Variants in RC3H1 observed in about 807,000 individuals in gnomAD.
RC3H1 encodes the protein roquin-1.
A neutral mutation model predicts 138.2 loss-of-function variants in RC3H1; 50 were observed. The observed-to-expected ratio is 0.36, with a 90% CI of 0.29 to 0.46. The LOEUF is 0.46. Among genes scored for constraint, RC3H1 ranks in the 20% least tolerant of loss-of-function variants. RC3H1 has a pLI of 1.00. For synonymous variants in RC3H1, 462 were observed against 489.1 expected (o/e 0.94, Z 0.73); for missense variants, 1,031 against 1,388.1 (o/e 0.74, Z 4.09).
At chr1:173,952,172 A>G in intron 13 of RC3H1, 34 bp from the exon 14 acceptor site, 1 of 1,492,032 alleles carries the variant, frequency 6.7e-7, no homozygotes, top group Non-Finnish European at 8.9e-7. Flanking sequence ...ACAAAAAAAA[A>G]AAAAAGAGAA....
chr1:173,961,745 T>C lies in RC3H1; in HGVS notation c.2182A>G (p.Ile728Val), dbSNP rs906467760. Residue 728 changes from isoleucine (I) to valine (V), a missense_variant, in exon 12 of 20, where the codon ATC (isoleucine) becomes GTC (valine). By Grantham distance (29) the Ile-to-Val change is conservative (BLOSUM62 3). This residue lies in a region of RC3H1 where 716 missense variants were observed against 837.9 expected (regional missense o/e 0.85). Transcript: ENST00000367696. ...CATACTCTGAGGTACGAAGGTCTGATCTGAGTTGGATGAGGAGCCACTGGA... is the reference window on the plus strand; with the variant it reads ...CATACTCTGAGGTACGAAGGTCTGACCTGAGTTGGATGAGGAGCCACTGGA... ...YYPVAPHPTQ[I>V]RPSYLREPPY... is the part of the protein sequence containing the mutation. The C allele has an allele frequency of 6.2e-7, 1 of 1,612,332 alleles. No individual in the cohort carries two copies. Among genetic ancestry groups the C allele is most frequent in the Non-Finnish European group, 8.5e-7 (1 of 1,179,844 alleles).
chr1:173,941,496 A>T, intron 18 of RC3H1, 116 bp from the exon 19 acceptor site: 1 of 651,228 alleles, frequency 1.5e-6, no homozygotes, highest in Non-Finnish European at 2.7e-6. Flanking sequence ...ATTTTGTAAA[A>T]TAACCAAAGA....
intron 1 of RC3H1, among the ~76,000 whole-genome samples, chr1:174,017,445 C>T (rs1219947493): frequency 6.6e-6 from 1 of 152,074 alleles, no homozygotes. Context: ...GTTTTTTATT[C>T]CTAACAATCA....
chr1:173,949,444 C>A (rs1557922351), intron 14 of RC3H1, among the ~76,000 whole-genome samples: 2 of 151,760 alleles, frequency 1.3e-5, no homozygotes, highest in African/African-American at 2.4e-5. Context: ...TCTCGGTTCA[C>A]TGCAACCTCT....
chr1:174,017,588 T>C (rs1250315341), intron 1 of RC3H1, among the ~76,000 whole-genome samples: 1 of 152,128 alleles, frequency 6.6e-6, no homozygotes, highest in Non-Finnish European at 1.5e-5. Context: ...AACTGCTTAA[T>C]GGGTACAGTG....
At chr1:174,011,755 T>C (rs1300604818) in intron 1 of RC3H1, among the ~76,000 whole-genome samples, 2 of 152,176 alleles carry the variant, frequency 1.3e-5, no homozygotes, top group Non-Finnish European at 2.9e-5. Flanking sequence ...TGCAAGTTCA[T>C]ATAGTAACCA....
chr1:173,957,977 G>C (rs769896570), intron 13 of RC3H1, among the ~76,000 whole-genome samples: 2 of 152,108 alleles, frequency 1.3e-5, no homozygotes, highest in African/African-American at 2.4e-5. Context: ...TAGATATTGT[G>C]AACAACTTCT....
At chr1:173,939,393 C>A (rs1348307642) in intron 19 of RC3H1, among the ~76,000 whole-genome samples, 2 of 151,580 alleles carry the variant, frequency 1.3e-5, no homozygotes, top group East Asian at 3.9e-4. Flanking sequence ...CAAAAATTAG[C>A]CTGGTGGTGT....
At chr1:173,951,349 T>G (rs570940129) in intron 14 of RC3H1, among the ~76,000 whole-genome samples, 13 of 151,880 alleles carry the variant, frequency 8.6e-5, no homozygotes, top group African/African-American at 3.1e-4. Context: ...GAGATAAGAT[T>G]TTGATAATAT....
intron 1 of RC3H1, among the ~76,000 whole-genome samples, chr1:173,999,395 G>A (rs80205789): frequency 0.38 from 55,709 of 147,690 alleles, 14,932 homozygotes; most frequent in African/African-American, 0.76. Flanking sequence ...AAAAAAAAGA[G>A]AGAGAGAGAA....
At chr1:173,975,308 A>C (rs1296788349) in intron 7 of RC3H1, among the ~76,000 whole-genome samples, 1 of 151,924 alleles carries the variant, frequency 6.6e-6, no homozygotes, top group Non-Finnish European at 1.5e-5. Flanking sequence ...GTTGGCCAGG[A>C]TGGTCTTGAT....
rs937484496 is a variant in RC3H1 at position 173,961,252 on chromosome 1, T to C, written c.2203-8A>G. On this transcript the variant is annotated splice_region_variant and splice_polypyrimidine_tract_variant and intron_variant, in intron 12 of 19. Coordinates refer to ENST00000367696, the MANE Select transcript of RC3H1 (RefSeq NM_172071.4). ...CCGGCTATAAGGAGGTTCCTAAAAA[T>C]AGAAAGATTAGTTAAAATTGAAAGA... The C allele has an allele frequency of 2.5e-6, 4 of 1,600,586 alleles. No homozygotes were observed. In the African/African-American group the frequency reaches 5.4e-5, roughly 22 times the overall value.
intron 6 of RC3H1, among the ~76,000 whole-genome samples, chr1:173,980,208 A>C (rs1290798045): frequency 6.7e-6 from 1 of 150,182 alleles, no homozygotes; most frequent in South Asian, 2.1e-4. Flanking sequence ...CATATTTCCC[A>C]ATTCTCACTG....
chr1:173,958,281 G>A (rs1447176137), intron 13 of RC3H1, among the ~76,000 whole-genome samples: 4 of 152,040 alleles, frequency 2.6e-5, no homozygotes, highest in Admixed American at 1.3e-4. Context: ...AGTAGCTCAC[G>A]CCTGTAATCC....
chr1:173,995,533 C>CAA (rs1429449370), intron 1 of RC3H1, among the ~76,000 whole-genome samples: 9 of 85,306 alleles, frequency 1.1e-4, no homozygotes, highest in African/African-American at 1.8e-4. Context: ...GACTCCATCT[C>CAA]AAAAAAAAAA....
At chr1:174,020,815 C>A (rs1475585292) in intron 1 of RC3H1, among the ~76,000 whole-genome samples, 2 of 152,216 alleles carry the variant, frequency 1.3e-5, no homozygotes. Context: ...TCCAGACCAG[C>A]CTGGCCAACA....
rs773557053 is a variant in RC3H1 at position 173,962,050 on chromosome 1, C to A, written c.1877G>T (p.Arg626Leu). The A allele has an allele frequency of 5.6e-6, 9 of 1,613,678 alleles. No individual in the cohort carries two copies. In the Admixed American group the frequency reaches 1.5e-4, roughly 27 times the overall value. ...PPPQCVSRFV[R>L]PPPSAPEPAP... ...AGGTTCAGGAGCAGATGGTGGAGGT[C>A]GGACAAAGCGGGACACACATTGTGG... is the stretch of plus-strand genomic sequence containing the variant. The change falls in exon 12 of 20, where the codon CGA (arginine) becomes CTA (leucine). Residue 626 changes from arginine to leucine, a missense_variant. Around this residue, in one of 7 missense-constraint regions of RC3H1, gnomAD observed 716 missense variants for 837.9 expected, o/e 0.85. Coordinates refer to ENST00000367696, the MANE Select transcript of RC3H1 (RefSeq NM_172071.4).
intron 1 of RC3H1, among the ~76,000 whole-genome samples, chr1:173,995,506 C>T (rs1324036774): frequency 6.6e-6 from 1 of 150,448 alleles, no homozygotes; most frequent in East Asian, 1.9e-4. Context: ...TGCATTCCAG[C>T]CTGGGTGACA....
rs145100176 is a variant in RC3H1 at position 173,988,344 on chromosome 1, A to G, written c.232-3725T>C. The stretch of plus-strand genomic sequence containing the variant: ...ATCATACAGTATGTGGCCTTTTCAT[A>G]CTGGTATCTTTCACTTAGCAATGGT... On this transcript the variant is annotated intron_variant, in intron 2 of 19. Coordinates refer to ENST00000367696, the MANE Select transcript of RC3H1 (RefSeq NM_172071.4). Among the ~76,000 whole-genome samples, 160 of 152,290 alleles carry G rather than the reference A, an allele frequency of 1.1e-3. 2 individuals carry two copies. In the Middle Eastern group the frequency reaches 0.014, roughly 13 times the overall value.
Sources: gnomAD v4.1 joint callset for allele counts (sites outside exome capture counted in the v4.1 genomes callset) on GRCh38, gnomAD v4.1.1 for gene constraint, gnomAD v4.1.1 regional missense constraint, MANE v1.5 for transcripts, NCBI Gene and HGNC (gene_info 2026-07-23, HGNC 2026-07-21) for gene names.